Variants in NETO1 observed in about 807,000 individuals in gnomAD.
NETO1 encodes neuropilin and tolloid like 1.
In NETO1, 26 loss-of-function variants were observed where a neutral mutation model predicts 61.3. The observed-to-expected ratio is 0.42, with a 90% confidence interval of 0.31 to 0.59. NETO1 has a LOEUF of 0.59. NETO1 is among the 20% of genes least tolerant of loss of function. The pLI is 0.12. For synonymous variants in NETO1, 225 were observed against 225.8 expected (o/e 1.00, Z 0.03); for missense variants, 531 against 662.8 (o/e 0.80, Z 2.18).
At chr18:72,752,042 G>C (rs1054830093) in intron 8 of NETO1, 3 of 152,174 alleles carry the variant, frequency 2.0e-5, no homozygotes, top group Non-Finnish European at 4.4e-5. Context: ...AATACCGAGT[G>C]CTGTATGCAT....
intron 7 of NETO1, among the ~76,000 whole-genome samples, chr18:72,779,546 C>G (rs1377582085): frequency 2.0e-5 from 3 of 151,978 alleles, no homozygotes; most frequent in Non-Finnish European, 4.4e-5. Flanking sequence ...TGATTCCTAC[C>G]CACCCATTTC....
At chr18:72,836,917 AATGTAATGC>A (rs1302242893) in intron 4 of NETO1, among the ~76,000 whole-genome samples, 1 of 152,180 alleles carries the variant, frequency 6.6e-6, no homozygotes, top group Non-Finnish European at 1.5e-5. Context: ...TACAAAAACA[AATGTAATGC>A]CTGTAGGAAT....
intron 4 of NETO1, among the ~76,000 whole-genome samples, chr18:72,815,611 A>T (rs2073007322): frequency 6.6e-6 from 1 of 152,216 alleles, no homozygotes; most frequent in Admixed American, 6.5e-5. Context: ...TGATCCCATT[A>T]AGCAGCCAAC....
At chr18:72,824,744 T>C (rs2073322167) in intron 4 of NETO1, among the ~76,000 whole-genome samples, 1 of 150,334 alleles carries the variant, frequency 6.7e-6, no homozygotes, top group Non-Finnish European at 1.5e-5. Flanking sequence ...CCAGTCATGG[T>C]GGTGCATGCC....
chr18:72,859,162 C>T, intron 3 of NETO1, 88 bp from the exon 4 acceptor site: 2 of 1,293,692 alleles, frequency 1.5e-6, no homozygotes, highest in South Asian at 1.6e-5. Flanking sequence ...GTTATTTGTA[C>T]ATCTTCTCTC....
chr18:72,862,488 T>C (rs925018173), intron 3 of NETO1, among the ~76,000 whole-genome samples: 1 of 152,196 alleles, frequency 6.6e-6, no homozygotes, highest in African/African-American at 2.4e-5. Flanking sequence ...AAACCAATTT[T>C]TCCCGTCTAT....
intron 4 of NETO1, among the ~76,000 whole-genome samples, chr18:72,825,680 C>T (rs1486069795): frequency 6.6e-6 from 1 of 152,126 alleles, no homozygotes; most frequent in East Asian, 1.9e-4. Flanking sequence ...GTTCTAACAG[C>T]TACTTTGAGT....
chr18:72,743,022 G>A (rs970881418), downstream of NETO1, among the ~76,000 whole-genome samples: 2 of 152,108 alleles, frequency 1.3e-5, no homozygotes, highest in African/African-American at 4.8e-5. Flanking sequence ...TGATTCTACT[G>A]TATTTCACTC....
chr18:72,846,360 C>T (rs1438589602), intron 4 of NETO1, among the ~76,000 whole-genome samples: 1 of 151,464 alleles, frequency 6.6e-6, no homozygotes, highest in Non-Finnish European at 1.5e-5. Context: ...AAAAAATTAG[C>T]TGGGCATGGT....
At chr18:72,820,164 G>A (rs2073146467) in intron 4 of NETO1, among the ~76,000 whole-genome samples, 1 of 152,150 alleles carries the variant, frequency 6.6e-6, no homozygotes, top group South Asian at 2.1e-4. Context: ...GACACATGGA[G>A]AGTCCTTTAA....
At chr18:72,755,967 A>G in intron 8 of NETO1, 67 bp downstream of exon 8, 1 of 750,968 alleles carries the variant, frequency 1.3e-6, no homozygotes, top group Non-Finnish European at 2.4e-6. Context: ...TCTGATTGAT[A>G]CATATAAACT....
intron 4 of NETO1, among the ~76,000 whole-genome samples, chr18:72,855,365 T>C (rs1451257452): frequency 6.6e-6 from 1 of 152,216 alleles, no homozygotes; most frequent in African/African-American, 2.4e-5. Context: ...TCACAATCCT[T>C]CTTATGCATG....
chr18:72,825,681 T>C (rs113747909), intron 4 of NETO1, among the ~76,000 whole-genome samples: 191 of 152,298 alleles, frequency 1.3e-3, no homozygotes, highest in African/African-American at 4.5e-3. Context: ...TTCTAACAGC[T>C]ACTTTGAGTG....
At chr18:72,804,705 G>A (rs957482703) in intron 4 of NETO1, among the ~76,000 whole-genome samples, 2 of 152,090 alleles carry the variant, frequency 1.3e-5, no homozygotes, top group African/African-American at 4.8e-5. Context: ...ATGAGCACAC[G>A]TCACTTCCTG....
In NETO1 at chr18:72,798,273, C is replaced by T. The variant is rs115389986; in HGVS notation, c.470-3869G>A. Reference sequence around the variant, plus strand: ...TCTCATAGGAGCTTCAACCCTATTGCGAACTGTGCATGCGAGGGATCTAGG... The same window carrying T: ...TCTCATAGGAGCTTCAACCCTATTGTGAACTGTGCATGCGAGGGATCTAGG... On this transcript the variant is annotated intron_variant, in intron 4 of 10. Coordinates refer to ENST00000327305, the MANE Select transcript of NETO1 (RefSeq NM_138966.5). Among the ~76,000 whole-genome samples, 609 of 152,206 alleles carry T rather than the reference C, an allele frequency of 4.0e-3. 4 individuals carry two copies. Among genetic ancestry groups the T allele is most frequent in the African/African-American group, 0.013 (524 of 41,534 alleles).
chr18:72,847,375 A>G (rs778945569), intron 4 of NETO1, among the ~76,000 whole-genome samples: 3 of 152,234 alleles, frequency 2.0e-5, no homozygotes, highest in Non-Finnish European at 4.4e-5. Context: ...CAAGCAAGTC[A>G]GCAGAGCTGT....
chr18:72,813,441 AG>A (rs1389160850), intron 4 of NETO1, among the ~76,000 whole-genome samples: 1 of 152,184 alleles, frequency 6.6e-6, no homozygotes, highest in Admixed American at 6.5e-5. Context: ...ATAAGACCTG[AG>A]GGAAGAACAG....
chr18:72,833,561 G>A (rs765234284), intron 4 of NETO1, among the ~76,000 whole-genome samples: 39 of 152,124 alleles, frequency 2.6e-4, no homozygotes, highest in South Asian at 4.2e-4. Flanking sequence ...CTCCATTACC[G>A]TCTCTCACTA....
At chr18:72,758,789 T>C (rs767358502) in intron 7 of NETO1, among the ~76,000 whole-genome samples, 1 of 152,092 alleles carries the variant, frequency 6.6e-6, no homozygotes, top group Admixed American at 6.6e-5. Context: ...TGAGCCGAGA[T>C]TGCGCCACTG....
Sources: allele counts gnomAD v4.1 joint callset (sites outside exome capture counted in the v4.1 genomes callset), GRCh38; gene constraint gnomAD v4.1.1; transcripts MANE v1.5; gene names NCBI Gene and HGNC (gene_info 2026-07-23, HGNC 2026-07-21).